Variants in MGAT4C observed in about 807,000 individuals in gnomAD.
The protein encoded by MGAT4C is MGAT4 family member C.
Under a neutral mutation model 40.1 loss-of-function variants are expected in MGAT4C, and 19 were observed. That is an observed-to-expected ratio of 0.47 (90% CI 0.33 to 0.70). The LOEUF is 0.70. Among genes scored for constraint, MGAT4C ranks in the 30% least tolerant of loss-of-function variants. The probability of loss-of-function intolerance (pLI) is 0.02; values close to 1 mark genes in which losing one functional copy is unlikely to be tolerated. For synonymous variants in MGAT4C, 181 were observed against 187.1 expected, an observed-to-expected ratio of 0.97 and a Z score of 0.27; for missense variants, 491 against 563.2, an observed-to-expected ratio of 0.87 and a Z score of 1.30.
chr12:86,188,871 A>G (rs948143664), intron 1 of MGAT4C, among the ~76,000 whole-genome samples: 2 of 152,004 alleles, frequency 1.3e-5, no homozygotes, highest in African/African-American at 2.4e-5. Flanking sequence ...TTATTGATAT[A>G]AATTTAGTAA....
At chr12:85,998,155 C>A (rs1379020099) in intron 2 of MGAT4C, among the ~76,000 whole-genome samples, 2 of 152,250 alleles carry the variant, frequency 1.3e-5, no homozygotes, top group African/African-American at 4.8e-5. Flanking sequence ...CCCTCTGAAG[C>A]AATGGCCCAA....
intron 1 of MGAT4C, among the ~76,000 whole-genome samples, chr12:86,804,375 G>A (rs71438922): frequency 1.4e-5 from 2 of 148,042 alleles, no homozygotes; most frequent in African/African-American, 2.5e-5. Flanking sequence ...ATGTAACTAA[G>A]CTGCACAATG....
intron 3 of MGAT4C, among the ~76,000 whole-genome samples, chr12:86,367,521 C>G (rs188124688): frequency 3.9e-5 from 6 of 152,278 alleles, no homozygotes; most frequent in Admixed American, 3.9e-4. Context: ...TAGTCTGGAC[C>G]AGGCATGGTG....
chr12:86,426,384 A>G (rs1028797789), intron 3 of MGAT4C, among the ~76,000 whole-genome samples: 3 of 152,230 alleles, frequency 2.0e-5, no homozygotes, highest in African/African-American at 7.2e-5. Context: ...ATCATTAGTG[A>G]TCATTTATAA....
At chr12:86,744,827 G>A (rs1951127949) in intron 1 of MGAT4C, among the ~76,000 whole-genome samples, 1 of 151,456 alleles carries the variant, frequency 6.6e-6, no homozygotes. Context: ...CACCACATCT[G>A]AGGGCCCTCC....
intron 2 of MGAT4C, among the ~76,000 whole-genome samples, chr12:86,567,490 A>G (rs1433181592): frequency 2.0e-5 from 3 of 152,154 alleles, no homozygotes; most frequent in African/African-American, 7.2e-5. Flanking sequence ...CAATTAGGAT[A>G]AGGAAGAGTA....
chr12:86,281,520 T>A (rs1040189549), intron 4 of MGAT4C, among the ~76,000 whole-genome samples: 3 of 152,040 alleles, frequency 2.0e-5, no homozygotes, highest in Non-Finnish European at 4.4e-5. Context: ...TTATAAATAA[T>A]TATTGGAAGA....
chr12:86,502,651 C>T (rs368921103), intron 2 of MGAT4C, among the ~76,000 whole-genome samples: 1,464 of 140,770 alleles, frequency 0.01, 10 homozygotes, highest in Middle Eastern at 0.019. Flanking sequence ...CATATATATA[C>T]ATGATTTCTG....
Position 86,611,511 on chromosome 12 carries a change from T to C in MGAT4C, c.-229+115698A>G, listed in dbSNP as rs564444929. On this transcript the variant is annotated intron_variant, in intron 2 of 7. Coordinates refer to the MGAT4C transcript ENST00000548651. ...ATAGATAGATAGATACATGTTTGTA[T>C]GGCAGTTCCTCTGGACAGTTTACCT... is the stretch of plus-strand genomic sequence containing the variant. 7.2e-5 allele frequency among the ~76,000 whole-genome samples: 11 copies of C among 152,230 alleles called. No individual in the cohort carries two copies. In the South Asian group the frequency reaches 2.3e-3, roughly 32 times the overall value.
At chr12:86,189,425 C>T (rs1327710203) in intron 1 of MGAT4C, among the ~76,000 whole-genome samples, 1 of 151,558 alleles carries the variant, frequency 6.6e-6, no homozygotes, top group Non-Finnish European at 1.5e-5. Context: ...TCACAATAAG[C>T]TGAAAAAAAT....
intron 2 of MGAT4C, among the ~76,000 whole-genome samples, chr12:86,553,246 C>A (rs1959451783): frequency 6.6e-6 from 1 of 152,032 alleles, no homozygotes. Context: ...TTGTTGCTGG[C>A]TTAATGAAAG....
chr12:86,440,554 A>G (rs987451913), intron 2 of MGAT4C, among the ~76,000 whole-genome samples: 6 of 152,016 alleles, frequency 3.9e-5, no homozygotes, highest in South Asian at 2.1e-4. Context: ...AACATTCCCT[A>G]TAAGAACTGG....
chr12:86,134,549 C>A (rs1881685033), intron 1 of MGAT4C, among the ~76,000 whole-genome samples: 1 of 151,966 alleles, frequency 6.6e-6, no homozygotes, highest in African/African-American at 2.4e-5. Flanking sequence ...GCAGCATAAC[C>A]CATTTTTCTA....
At chr12:86,499,944 C>T (rs1364845710) in intron 2 of MGAT4C, among the ~76,000 whole-genome samples, 7 of 151,680 alleles carry the variant, frequency 4.6e-5, no homozygotes, top group African/African-American at 1.7e-4. Context: ...TCTTTTTGCC[C>T]ATCAAGAGTT....
chr12:86,373,809 C>T (rs1290236411), intron 3 of MGAT4C, among the ~76,000 whole-genome samples: 1 of 151,932 alleles, frequency 6.6e-6, no homozygotes, highest in Non-Finnish European at 1.5e-5. Flanking sequence ...TTGAACACCA[C>T]CACCAAAATT....
At chr12:86,279,723 T>C (rs1322703147) in intron 4 of MGAT4C, among the ~76,000 whole-genome samples, 1 of 151,832 alleles carries the variant, frequency 6.6e-6, no homozygotes, top group Non-Finnish European at 1.5e-5. Context: ...TAATAAGAAT[T>C]GTTGGGTTGT....
At chr12:86,646,926 C>A (rs1410296438) in intron 2 of MGAT4C, among the ~76,000 whole-genome samples, 1 of 151,856 alleles carries the variant, frequency 6.6e-6, no homozygotes, top group African/African-American at 2.4e-5. Flanking sequence ...TTGTACCGTG[C>A]AAATTGGTTT....
chr12:86,252,512 C>A (rs912816795), intron 1 of MGAT4C, among the ~76,000 whole-genome samples: 8 of 151,760 alleles, frequency 5.3e-5, no homozygotes, highest in Admixed American at 2.0e-4. Flanking sequence ...CTTTTTATTT[C>A]TTTTAAATCA....
At chr12:86,652,657 C>G (rs149744661) in intron 2 of MGAT4C, among the ~76,000 whole-genome samples, 17 of 151,926 alleles carry the variant, frequency 1.1e-4, no homozygotes, top group African/African-American at 3.6e-4. Context: ...ACAGCTTAAA[C>G]AATGGTCAAA....
Sources: allele counts gnomAD v4.1 joint callset (sites outside exome capture counted in the v4.1 genomes callset), GRCh38; gene constraint gnomAD v4.1.1; transcripts MANE v1.5; gene names NCBI Gene and HGNC (gene_info 2026-07-23, HGNC 2026-07-21).